Variants in CFAP43 observed in about 807,000 individuals in gnomAD.
The protein encoded by CFAP43 is cilia and flagella associated protein 43, also known as cilia- and flagella-associated protein 43.
A neutral mutation model predicts 218.9 loss-of-function variants in CFAP43; 155 were observed. The observed-to-expected ratio is 0.71, with a 90% CI of 0.62 to 0.81. The LOEUF is 0.81. CFAP43 is among the 30% of genes least tolerant of loss of function. CFAP43 has a pLI of 0.00. For missense variants in CFAP43, 1,778 were observed against 1,954.3 expected, an observed-to-expected ratio of 0.91 and a Z score of 1.70; for synonymous variants, 645 against 681.3, an observed-to-expected ratio of 0.95 and a Z score of 0.83.
chr10:104,230,118 C>T (rs949820645), intron 2 of CFAP43, among the ~76,000 whole-genome samples: 1 of 151,974 alleles, frequency 6.6e-6, no homozygotes, highest in African/African-American at 2.4e-5. Context: ...CTCTAGCTAA[C>T]ATAATTTAAA....
At chr10:104,183,668 C>T (rs1211321852) in intron 16 of CFAP43, among the ~76,000 whole-genome samples, 2 of 152,116 alleles carry the variant, frequency 1.3e-5, no homozygotes, top group Admixed American at 1.3e-4. Flanking sequence ...GGATTACAGG[C>T]GTGAGCCACT....
intron 19 of CFAP43, among the ~76,000 whole-genome samples, chr10:104,173,253 G>A (rs1218675943): frequency 6.6e-6 from 1 of 152,106 alleles, no homozygotes; most frequent in Non-Finnish European, 1.5e-5. Context: ...GAGAAAAGAA[G>A]TATATAGCAT....
intron 30 of CFAP43, among the ~76,000 whole-genome samples, chr10:104,145,818 A>C (rs928774865): frequency 6.6e-6 from 1 of 152,216 alleles, no homozygotes; most frequent in African/African-American, 2.4e-5. Flanking sequence ...AAGTTTCCCA[A>C]AGAAGTGTCC....
At chr10:104,197,021 G>T in intron 9 of CFAP43, 88 bp from the exon 10 acceptor site, 2 of 953,082 alleles carry the variant, frequency 2.1e-6, no homozygotes, top group Non-Finnish European at 3.2e-6. Context: ...GTGTGCCAAT[G>T]ATTTAGTATA....
chr10:104,137,468 G>A (rs944326593), intron 34 of CFAP43, among the ~76,000 whole-genome samples: 18 of 152,130 alleles, frequency 1.2e-4, no homozygotes, highest in Non-Finnish European at 2.4e-4. Flanking sequence ...GAGGTGGATG[G>A]GGAATAATTG....
intron 7 of CFAP43, among the ~76,000 whole-genome samples, chr10:104,204,359 T>G (rs2090620502): frequency 6.6e-6 from 1 of 152,242 alleles, no homozygotes; most frequent in African/African-American, 2.4e-5. Context: ...AGATTTAGGT[T>G]AATTTTATTA....
intron 34 of CFAP43, among the ~76,000 whole-genome samples, chr10:104,135,473 G>A (rs775177253): frequency 1.4e-4 from 22 of 152,072 alleles, no homozygotes; most frequent in Non-Finnish European, 2.9e-4. Flanking sequence ...TATATATATA[G>A]AGAAAGTCAT....
At position 104,145,464 on chromosome 10, in the gene CFAP43, G is replaced by A; in HGVS notation, c.3944+12C>T. On this transcript the variant is annotated intron_variant, in intron 31 of 37. Coordinates refer to ENST00000357060, the MANE Select transcript of CFAP43 (RefSeq NM_025145.7). ...TTTTTCTCAGAAACACAATAGTGAA[G>A]GAGAAACAAACCTTGGTCGGCGTTT... is the stretch of plus-strand genomic sequence containing the variant. The A allele has an allele frequency of 6.4e-7, 1 of 1,571,188 alleles. No individual in the cohort carries two copies. Among genetic ancestry groups the A allele is most frequent in the South Asian group, 1.1e-5 (1 of 87,372 alleles).
chr10:104,166,751 G>C (rs769075877), intron 22 of CFAP43, 33 bp from the exon 23 acceptor site: 1 of 1,537,166 alleles, frequency 6.5e-7, no homozygotes, highest in Non-Finnish European at 8.8e-7. Flanking sequence ...CAGAAGTTAT[G>C]CAATAATAAG....
At chr10:104,180,648 T>C (rs747339612) in intron 17 of CFAP43, among the ~76,000 whole-genome samples, 13 of 152,062 alleles carry the variant, frequency 8.5e-5, no homozygotes, top group Non-Finnish European at 1.9e-4. Flanking sequence ...GGTTTCACCA[T>C]GTTAGCCAGG....
intron 27 of CFAP43, among the ~76,000 whole-genome samples, chr10:104,153,800 C>T (rs2088399985): frequency 6.6e-6 from 1 of 151,302 alleles, no homozygotes; most frequent in Admixed American, 6.6e-5. Flanking sequence ...TCTCTCCCAC[C>T]CCCTGCCCCT....
At position 104,162,031 on chromosome 10, in the gene CFAP43, G is replaced by A. The variant is rs145489927; in HGVS notation, c.3344C>T (p.Thr1115Ile). The A allele has an allele frequency of 6.2e-7, 1 of 1,613,052 alleles. No homozygotes were observed. The highest frequency in any genetic ancestry group is 1.3e-5 in the African/African-American group (1 of 74,964). The change falls in exon 26 of 38, where the codon ACA becomes ATA. Residue 1115 changes from threonine (T) to isoleucine (I), a missense_variant. Physicochemically the swap from Thr to Ile is moderately conservative, Grantham distance 89. Transcript: ENST00000357060. ...EHWLLIQDAS[T>I]RLRALMDMMG... Reference sequence around the variant, plus strand: ...CATGTCCATCAGAGCTCGGAGTCTTGTACTGGCATCCTGGGAAAGAGCCAG... The same window carrying A: ...CATGTCCATCAGAGCTCGGAGTCTTATACTGGCATCCTGGGAAAGAGCCAG...
At chr10:104,163,925 G>A (rs367737269) in intron 24 of CFAP43, among the ~76,000 whole-genome samples, 169 bp downstream of exon 24, 3 of 152,318 alleles carry the variant, frequency 2.0e-5, no homozygotes, top group Non-Finnish European at 2.9e-5. Flanking sequence ...CACAGGATTC[G>A]TAAAAGAAAT....
At chr10:104,161,479 C>T (rs546680408) in intron 26 of CFAP43, among the ~76,000 whole-genome samples, 1 of 152,222 alleles carries the variant, frequency 6.6e-6, no homozygotes, top group East Asian at 1.9e-4. Flanking sequence ...GAAAATGTTT[C>T]CTGGTATATC....
intron 11 of CFAP43, chr10:104,193,591 G>C (rs2090294339): frequency 1.4e-5 from 5 of 351,790 alleles, no homozygotes; most frequent in Non-Finnish European, 2.6e-5. Flanking sequence ...CAAGTAAAAA[G>C]AAGTGCTTAT....
At position 104,193,904 on chromosome 10, in the gene CFAP43, G is replaced by C. The variant is rs759999499; in HGVS notation, c.1404C>G (p.His468Gln). 48 of 1,614,028 alleles carry C rather than the reference G, an allele frequency of 3.0e-5. No individual in the cohort carries two copies. Among genetic ancestry groups the C allele is most frequent in the Non-Finnish European group, 4.0e-5 (47 of 1,180,014 alleles). Reference sequence around the variant, plus strand: ...CGGACGATTCCGAGAGAAAGGCCTTGTGCACGACCTGAGGGGATTCCTTAT... The same window carrying C: ...CGGACGATTCCGAGAGAAAGGCCTTCTGCACGACCTGAGGGGATTCCTTAT... ...VYDKESPQVV[H>Q]KAFLSESSVQ... Residue 468 changes from histidine to glutamine, a missense_variant, in exon 11 of 38, where the codon CAC (histidine) becomes CAG (glutamine). By Grantham distance (24) the His-to-Gln change is conservative. Transcript: ENST00000357060.
chr10:104,200,073 T>C (rs1166219737), intron 8 of CFAP43, among the ~76,000 whole-genome samples: 1 of 152,104 alleles, frequency 6.6e-6, no homozygotes, highest in Non-Finnish European at 1.5e-5. Context: ...CTTGAACCCA[T>C]CTAGATTAAG....
chr10:104,139,062 T>A (rs2134742584), intron 34 of CFAP43, among the ~76,000 whole-genome samples: 1 of 152,360 alleles, frequency 6.6e-6, no homozygotes, highest in Admixed American at 6.5e-5. Flanking sequence ...TCTATCTATC[T>A]ACAATAATAT....
At position 104,214,353 on chromosome 10, in the gene CFAP43, G is replaced by A; in HGVS notation, c.490C>T (p.Pro164Ser). 1 of 1,611,308 alleles carries A rather than the reference G, an allele frequency of 6.2e-7. No homozygotes were observed. Among genetic ancestry groups the A allele is most frequent in the Non-Finnish European group, 8.5e-7 (1 of 1,178,508 alleles). ...AAGCACAGCTGGCGCCAGTTCATGG[G>A]GTTAAAAGACATTTGGTTCACATCC... ...GMDVNQMSFN[P>S]MNWRQLCLSS... The change falls in exon 4 of 38, where the codon CCC becomes TCC. Residue 164 changes from proline to serine, a missense_variant. Physicochemically the swap from Pro to Ser is moderately conservative, Grantham distance 74. Around this residue, in one of 3 missense-constraint regions of CFAP43, gnomAD observed 1,553 missense variants for 1,685.2 expected, o/e 0.92. Coordinates refer to ENST00000357060, the MANE Select transcript of CFAP43 (RefSeq NM_025145.7).
Sources: gnomAD v4.1 joint callset for allele counts (sites outside exome capture counted in the v4.1 genomes callset) on GRCh38, gnomAD v4.1.1 for gene constraint, gnomAD v4.1.1 regional missense constraint, MANE v1.5 for transcripts, NCBI Gene and HGNC (gene_info 2026-07-23, HGNC 2026-07-21) for gene names.